The following FDXR variants were observed in gnomAD, a reference collection of about 807,000 sequenced individuals.
FDXR encodes the protein NADPH:adrenodoxin oxidoreductase, mitochondrial.
Under a neutral mutation model 58.3 loss-of-function variants are expected in FDXR, and 38 were observed. That is an observed-to-expected ratio of 0.65 (90% CI 0.50 to 0.85). The LOEUF is 0.85. Ranked by LOEUF, FDXR falls within the 40% of genes least tolerant of loss-of-function variation. The pLI, the probability that FDXR is intolerant of heterozygous loss-of-function variation, is 0.00. For missense variants in FDXR, 624 were observed against 671.0 expected (o/e 0.93, Z 0.77); for synonymous variants, 275 against 273.8 (o/e 1.00, Z -0.04).
chr17:74,870,522 A>AAAG (rs2038339059), intron 2 of FDXR, among the ~76,000 whole-genome samples: 1 of 149,714 alleles, frequency 6.7e-6, no homozygotes, highest in African/African-American at 2.5e-5. Context: ...ATCTCAAAAA[A>AAAG]AAAAAAAAAA....
In FDXR at chr17:74,864,790, G is replaced by A. The variant is rs750435603; in HGVS notation, c.717+34C>T. ...CCTTAAGGAGAGGCCCCCTCCACCTGGAACCCTGGCTCCTCCCACTCTGGC... is the reference window on the plus strand; with the variant it reads ...CCTTAAGGAGAGGCCCCCTCCACCTAGAACCCTGGCTCCTCCCACTCTGGC... On this transcript the variant is annotated intron_variant, in intron 7 of 11. Transcript: ENST00000293195. 3 of 1,613,170 alleles carry A rather than the reference G, an allele frequency of 1.9e-6. No individual in the cohort carries two copies. The South Asian group carries it at 3.3e-5, about 18-fold the overall frequency.
rs1334137764 is a variant in FDXR at position 74,870,193 on chromosome 17, C to T, written c.177+1843G>A. 1.8e-5 allele frequency: 5 copies of T among 283,098 alleles called. No individual in the cohort carries two copies. In the Admixed American group the frequency reaches 1.8e-4, roughly 10 times the overall value. 17.5% of individuals were successfully genotyped at this position (283,098 alleles called of 1,614,324 possible). A position where few individuals can be genotyped will look rare whatever the true frequency, so the allele number is the denominator to read the frequency against. On this transcript the variant is annotated intron_variant, in intron 2 of 11. Coordinates refer to ENST00000293195, the MANE Select transcript of FDXR (RefSeq NM_024417.5). ...CCATTCCACAAGGAAAGCATGTGCA[C>T]GTGTCTGCCAGCTGAATACAGTCGT... is the stretch of plus-strand genomic sequence containing the variant.
At chr17:74,866,095 G>A in intron 5 of FDXR, 36 bp downstream of exon 5, 1 of 1,466,252 alleles carries the variant, frequency 6.8e-7, no homozygotes, top group Non-Finnish European at 9.5e-7. Context: ...TGAGGGGCGG[G>A]GAGGAAGAGG....
In FDXR at chr17:74,865,120, GC is replaced by G. The variant is rs555707969; in HGVS notation, c.610-190del. Among the ~76,000 whole-genome samples the G allele has an allele frequency of 3.9e-4, 59 of 152,270 alleles. 1 individual carries two copies. In the South Asian group the frequency reaches 6.6e-3, roughly 17 times the overall value. On this transcript the variant is annotated intron_variant, in intron 6 of 11. Transcript: ENST00000293195. Reference sequence around the variant, plus strand: ...ATGGCTCCAACTAATAGCACACCAGGCCCACACTTTCATTCAACAAGTATGT... The same window carrying G: ...ATGGCTCCAACTAATAGCACACCAGGCCACACTTTCATTCAACAAGTATGT...
intron 2 of FDXR, among the ~76,000 whole-genome samples, chr17:74,869,422 C>A (rs1392949618): frequency 6.6e-6 from 1 of 152,188 alleles, no homozygotes; most frequent in Non-Finnish European, 1.5e-5. Flanking sequence ...TCCAAGCCCC[C>A]CAGGATCTGG....
At chr17:74,866,649 G>C in intron 3 of FDXR, 81 bp from the exon 4 acceptor site, 1 of 1,602,022 alleles carries the variant, frequency 6.2e-7, no homozygotes, top group Middle Eastern at 1.7e-4. Context: ...TCACCACTCT[G>C]TGTCCCCAGG....
In FDXR at chr17:74,866,213, T is replaced by G. The variant is rs910191001; in HGVS notation, c.425A>C (p.Glu142Ala). 2 of 1,613,870 alleles carry G rather than the reference T, an allele frequency of 1.2e-6. No individual in the cohort carries two copies. Reference protein sequence around the residue: ...SYGAEDHRALEIPGEELPGVC... With the variant: ...SYGAEDHRALAIPGEELPGVC... ...ACCTGGCAGCTCCTCACCAGGAATT[T>G]CCAGGGCCCGATGGTCCTCTGCCCC... The change falls in exon 5 of 12, where the codon GAA becomes GCA. Residue 142 changes from glutamate to alanine, a missense_variant. Coordinates refer to ENST00000293195, the MANE Select transcript of FDXR (RefSeq NM_024417.5).
chr17:74,867,405 G>A (rs1209212398), intron 2 of FDXR, among the ~76,000 whole-genome samples: 1 of 151,496 alleles, frequency 6.6e-6, no homozygotes, highest in Admixed American at 6.6e-5. Flanking sequence ...TCCCCCGACT[G>A]GAATTATATC....
intron 6 of FDXR, 93 bp downstream of exon 6, chr17:74,865,626 T>C: frequency 1.2e-6 from 1 of 824,886 alleles, no homozygotes; most frequent in Non-Finnish European, 1.9e-6. Flanking sequence ...TGAGCCCAGC[T>C]TGGAGAGGTA....
chr17:74,872,528 T>G, intron 1 of FDXR: 1 of 619,764 alleles, frequency 1.6e-6, no homozygotes, highest in East Asian at 2.8e-5. Flanking sequence ...ATATTGCCCA[T>G]ATAGACCCGT....
intron 8 of FDXR, 26 bp downstream of exon 8, chr17:74,864,454 T>A (rs1567909828): frequency 6.2e-7 from 1 of 1,610,764 alleles, no homozygotes; most frequent in South Asian, 1.1e-5. Context: ...CCCTAGTAGT[T>A]GGGGGGCCAG....
At chr17:74,866,735 T>C in intron 3 of FDXR, 49 bp downstream of exon 3, 4 of 1,608,356 alleles carry the variant, frequency 2.5e-6, no homozygotes, top group Non-Finnish European at 3.4e-6. Flanking sequence ...GCCCTCCTCA[T>C]CTTGACCAAA....
In FDXR at chr17:74,864,464, G is replaced by A; in HGVS notation, c.802+16C>T. On this transcript the variant is annotated intron_variant, in intron 8 of 11. Transcript: ENST00000293195. ...CCTCTCCCTAGTAGTTGGGGGGCCA[G>A]GCCAGGGCCCCTCACCCTTGATCTT... The A allele has an allele frequency of 6.2e-7, 1 of 1,612,224 alleles. No homozygotes were observed. The highest frequency in any genetic ancestry group is 8.5e-7 in the Non-Finnish European group (1 of 1,178,344).
In FDXR at chr17:74,864,913, C is replaced by A. The variant is rs746756041; in HGVS notation, c.628G>T (p.Ala210Ser). ...CTCTGCCTCAGTACACCCAGGGCTG[C>A]CTTCGTGATGTCCGTTCTCTGGCAC... Reference protein sequence around the residue: ...EHLERTDITKAALGVLRQSRV... With the variant: ...EHLERTDITKSALGVLRQSRV... The change falls in exon 7 of 12, where the codon GCA becomes TCA. Residue 210 changes from alanine to serine, a missense_variant. Transcript: ENST00000293195. 1.2e-6 allele frequency: 2 copies of A among 1,614,034 alleles called. No homozygotes were observed. The highest frequency in any genetic ancestry group is 4.5e-5 in the East Asian group (2 of 44,900).
chr17:74,872,421 A>G, intron 1 of FDXR: 2 of 757,170 alleles, frequency 2.6e-6, no homozygotes, highest in South Asian at 3.7e-5. Flanking sequence ...CTAGAATCCC[A>G]CATCCTTCCA....
chr17:74,866,706 C>G (rs1310018745), intron 3 of FDXR, 78 bp downstream of exon 3: 4 of 1,588,436 alleles, frequency 2.5e-6, no homozygotes, highest in Non-Finnish European at 3.5e-6. Context: ...GTCCTGTCAT[C>G]CAGCCAGGGA....
chr17:74,864,558 G>A lies in FDXR; in HGVS notation c.724C>T (p.Arg242Trp), dbSNP rs757375278. 14 of 1,613,580 alleles carry A rather than the reference G, an allele frequency of 8.7e-6. No individual in the cohort carries two copies. Among genetic ancestry groups the A allele is most frequent in the East Asian group, 6.7e-5 (3 of 44,870 alleles). Residue 242 changes from arginine to tryptophan, a missense_variant, in exon 8 of 12, where the codon CGG becomes TGG. Physicochemically the swap from Arg to Trp is moderately radical, Grantham distance 101 (BLOSUM62 -3). Transcript: ENST00000293195. ...LQVAFTIKEL[R>W]EMIQLPGARP... ...GCTCCCGGTAACTGAATCATCTCCCGAAGCTCCTTGAAGGTGGGAGCAGGG... is the reference window on the plus strand; with the variant it reads ...GCTCCCGGTAACTGAATCATCTCCCAAAGCTCCTTGAAGGTGGGAGCAGGG...
chr17:74,871,881 T>C (rs2038385132), intron 2 of FDXR, among the ~76,000 whole-genome samples, 155 bp downstream of exon 2: 1 of 151,974 alleles, frequency 6.6e-6, no homozygotes, highest in Admixed American at 6.5e-5. Context: ...GCCTCAGGTG[T>C]AGGTGAGGAA....
At position 74,866,258 on chromosome 17, in the gene FDXR, G is replaced by T; in HGVS notation, c.394-14C>A. On this transcript the variant is annotated splice_polypyrimidine_tract_variant and intron_variant, in intron 4 of 11. Coordinates refer to ENST00000293195, the MANE Select transcript of FDXR (RefSeq NM_024417.5). ...TGCCCCGTAGCTCTGATGAAAGATG[G>T]CAGGCCCGAGACCCACAGCCTTCAG... 6.2e-7 allele frequency: 1 copy of T among 1,607,920 alleles called. No homozygotes were observed. Among genetic ancestry groups the T allele is most frequent in the Non-Finnish European group, 8.5e-7 (1 of 1,175,318 alleles).
Sources: allele counts gnomAD v4.1 joint callset (sites outside exome capture counted in the v4.1 genomes callset), GRCh38; gene constraint gnomAD v4.1.1; transcripts MANE v1.5; gene names NCBI Gene and HGNC (gene_info 2026-07-23, HGNC 2026-07-21).